Variants in SRPK2 observed in about 807,000 individuals in gnomAD.
SRPK2 encodes SFRS protein kinase 2.
A neutral mutation model predicts 90.8 loss-of-function variants in SRPK2; 21 were observed. The ratio of observed to expected loss-of-function variants is 0.23; its 90% confidence interval spans 0.16 to 0.33. SRPK2 has a LOEUF of 0.33. SRPK2 is among the 10% of genes least tolerant of loss of function. The pLI is 1.00. For synonymous variants in SRPK2, 288 were observed against 311.1 expected, an observed-to-expected ratio of 0.93 and a Z score of 0.78; for missense variants, 620 against 869.0, an observed-to-expected ratio of 0.71 and a Z score of 3.60.
rs2129575464 is a variant in SRPK2, at chr7:105,135,371, C to T, written c.1544-2267G>A. The stretch of plus-strand genomic sequence containing the variant: ...CGCCTGGCCAGACGCAGGGGCTTCC[C>T]TCTGCTGTGACCAGCTGAACCATCG... On this transcript the variant is annotated intron_variant, in intron 11 of 15. Coordinates refer to ENST00000393651, the MANE Select transcript of SRPK2 (RefSeq NM_182692.3). 1.3e-5 allele frequency among the ~76,000 whole-genome samples: 2 copies of T among 152,278 alleles called. 1 individual carries two copies. The highest frequency in any genetic ancestry group is 6.8e-3 in the Middle Eastern group (2 of 294).
At chr7:105,394,214 C>T (rs944630159), upstream of SRPK2, among the ~76,000 whole-genome samples, 6 of 150,266 alleles carry the variant, frequency 4.0e-5, 1 homozygote, top group African/African-American at 1.5e-4. Context: ...ATGATTTCGG[C>T]TCACCGCAAC....
At chr7:105,145,107 C>CA (rs10718877) in intron 9 of SRPK2, among the ~76,000 whole-genome samples, 176 bp downstream of exon 9, 81 of 107,166 alleles carry the variant, frequency 7.6e-4, no homozygotes, top group East Asian at 6.2e-3. Context: ...ACTCAGTTTT[C>CA]AAAAAAAAAA....
chr7:105,132,702 G>A (rs1161736488), intron 13 of SRPK2, 89 bp downstream of exon 13: 6 of 1,058,542 alleles, frequency 5.7e-6, no homozygotes, highest in Non-Finnish European at 8.2e-6. Context: ...AAAAACTGAG[G>A]TCGCATGCCT....
intron 2 of SRPK2, among the ~76,000 whole-genome samples, chr7:105,338,092 A>AC (rs1053298144): frequency 3.3e-5 from 5 of 151,580 alleles, no homozygotes; most frequent in African/African-American, 1.2e-4. Context: ...AAAAAAAAAA[A>AC]AACTTTTTCA....
intron 15 of SRPK2, among the ~76,000 whole-genome samples, chr7:105,119,211 G>A (rs1008529944): frequency 2.0e-5 from 3 of 151,826 alleles, no homozygotes; most frequent in African/African-American, 7.3e-5. Context: ...TTTAAACAAG[G>A]TACATTTTTT....
intron 13 of SRPK2, among the ~76,000 whole-genome samples, chr7:105,131,332 G>C (rs920810841): frequency 1.3e-5 from 2 of 152,062 alleles, no homozygotes; most frequent in African/African-American, 4.8e-5. Context: ...TGCCTGCTGG[G>C]GTCACACAGA....
At position 105,383,271 on chromosome 7, in the gene SRPK2, C is replaced by T. The variant is rs190260243; in HGVS notation, c.71+5377G>A. On this transcript the variant is annotated intron_variant, in intron 2 of 15. Transcript: ENST00000393651. ...TTTTTTAGTAGAGACGGGGTTTCAC[C>T]GTAGCCAGGATGGTCTCGATCTCCT... Among the ~76,000 whole-genome samples the T allele has an allele frequency of 4.3e-3, 653 of 150,976 alleles. 2 individuals are homozygous for T. Among genetic ancestry groups the T allele is most frequent in the Non-Finnish European group, 5.6e-3 (377 of 67,782 alleles).
At chr7:105,147,043 G>C (rs1804736050) in intron 7 of SRPK2, among the ~76,000 whole-genome samples, 1 of 152,186 alleles carries the variant, frequency 6.6e-6, no homozygotes, top group African/African-American at 2.4e-5. Context: ...AGACCTTTAT[G>C]ATCATCTACT....
Position 105,151,888 on chromosome 7 carries a change from G to C in SRPK2, c.622-5230C>G, listed in dbSNP as rs1228089845. ...AAAATACAAAAATAAGCCAGGCATG[G>C]TGGTGCATGCCTGTAATCGCTGCTA... On this transcript the variant is annotated intron_variant, in intron 7 of 15. Transcript: ENST00000393651. 3.9e-5 allele frequency among the ~76,000 whole-genome samples: 6 copies of C among 151,982 alleles called. No homozygotes were observed. The East Asian group carries it at 9.8e-4, about 25-fold the overall frequency.
intron 7 of SRPK2, among the ~76,000 whole-genome samples, chr7:105,158,417 G>A (rs1806864923): frequency 6.6e-6 from 1 of 152,136 alleles, no homozygotes; most frequent in Non-Finnish European, 1.5e-5. Context: ...ACCACGCCTG[G>A]CTAATTTTTG....
chr7:105,360,817 G>A (rs1194363230), intron 2 of SRPK2, among the ~76,000 whole-genome samples: 2 of 152,036 alleles, frequency 1.3e-5, no homozygotes, highest in Non-Finnish European at 2.9e-5. Context: ...GGTATTGACA[G>A]AACGTATCTC....
At chr7:105,202,686 G>A (rs1795707535) in intron 3 of SRPK2, among the ~76,000 whole-genome samples, 1 of 152,172 alleles carries the variant, frequency 6.6e-6, no homozygotes, top group Admixed American at 6.5e-5. Flanking sequence ...TGTCTTCCGT[G>A]AAATCATAGC....
intron 8 of SRPK2, among the ~76,000 whole-genome samples, chr7:105,145,684 TG>T (rs1804508996): frequency 6.6e-6 from 1 of 152,234 alleles, no homozygotes; most frequent in Non-Finnish European, 1.5e-5. Context: ...ACAATGTAGA[TG>T]TACATCGATA....
intron 2 of SRPK2, among the ~76,000 whole-genome samples, chr7:105,327,386 C>A (rs1255452530): frequency 6.6e-6 from 1 of 152,226 alleles, no homozygotes; most frequent in African/African-American, 2.4e-5. Context: ...TAAGCAGTTA[C>A]AACAGAGGTC....
chr7:105,283,122 A>T (rs1807564630), intron 2 of SRPK2, among the ~76,000 whole-genome samples: 1 of 152,230 alleles, frequency 6.6e-6, no homozygotes, highest in African/African-American at 2.4e-5. Flanking sequence ...AGAGGGCTAT[A>T]ATCGAAAAGA....
At chr7:105,256,117 G>C (rs1421651279) in intron 2 of SRPK2, among the ~76,000 whole-genome samples, 1 of 152,172 alleles carries the variant, frequency 6.6e-6, no homozygotes, top group Non-Finnish European at 1.5e-5. Context: ...TGAGCATCAA[G>C]ATAATTTTAC....
At chr7:105,388,961 A>T, upstream of SRPK2, 1 of 1,142,470 alleles carries the variant, frequency 8.8e-7, no homozygotes, top group Non-Finnish European at 1.1e-6. Context: ...GGGACCCAGC[A>T]AGACCCGCCC....
At chr7:105,366,142 C>G (rs1329748864) in intron 2 of SRPK2, among the ~76,000 whole-genome samples, 1 of 152,116 alleles carries the variant, frequency 6.6e-6, no homozygotes, top group South Asian at 2.1e-4. Context: ...CATGAGCCAC[C>G]GCACCCGGCC....
In SRPK2 at chr7:105,142,442, A is replaced by G. The variant is rs761176314; in HGVS notation, c.1109T>C (p.Ile370Thr). 2.7e-5 allele frequency: 43 copies of G among 1,612,666 alleles called. No homozygotes were observed. The African/African-American group carries it at 4.8e-4, about 18-fold the overall frequency. Residue 370 changes from isoleucine to threonine, a missense_variant, in exon 11 of 16, where the codon ATT (isoleucine) becomes ACT (threonine). Transcript: ENST00000393651. The stretch of plus-strand genomic sequence containing the variant: ...ATCTACATCATCTTCATCTTTTTCA[A>G]TGTTTTCTTTCTCAGCATCTTCTTT... The part of the protein sequence containing the change: ...EEKEDAEKEN[I>T]EKDEDDVDQE...
Sources: gnomAD v4.1 joint callset for allele counts (sites outside exome capture counted in the v4.1 genomes callset) on GRCh38, gnomAD v4.1.1 for gene constraint, MANE v1.5 for transcripts, NCBI Gene and HGNC (gene_info 2026-07-23, HGNC 2026-07-21) for gene names.